The following ITSN1 variants were observed in gnomAD, a reference collection of about 807,000 sequenced individuals.
The protein encoded by ITSN1 is intersectin-1.
ITSN1 carries 58 observed loss-of-function variants against 239.8 expected under a neutral mutation model. The observed-to-expected ratio is 0.24, with a 90% CI of 0.20 to 0.30. ITSN1 has a LOEUF of 0.30. ITSN1 is among the 10% of genes least tolerant of loss of function. The pLI is 1.00. For missense variants in ITSN1, 1,558 were observed against 2,103.3 expected (o/e 0.74, Z 5.07); for synonymous variants, 780 against 770.8 (o/e 1.01, Z -0.20).
At chr21:33,648,298 T>C (rs894796267) in intron 1 of ITSN1, among the ~76,000 whole-genome samples, 2 of 152,182 alleles carry the variant, frequency 1.3e-5, no homozygotes, top group Admixed American at 1.3e-4. Flanking sequence ...AAAACTCTCA[T>C]CTTACAGATG....
intron 3 of ITSN1, among the ~76,000 whole-genome samples, chr21:33,722,324 T>C (rs2065536497): frequency 6.6e-6 from 1 of 152,260 alleles, no homozygotes; most frequent in South Asian, 2.1e-4. Context: ...CATATCTTAG[T>C]TAATAGCAGA....
intron 4 of ITSN1, among the ~76,000 whole-genome samples, chr21:33,725,566 C>T (rs992858461): frequency 2.0e-5 from 3 of 152,026 alleles, no homozygotes; most frequent in African/African-American, 7.2e-5. Context: ...TGCCTTCTAG[C>T]GTGGGTGACA....
intron 34 of ITSN1, among the ~76,000 whole-genome samples, chr21:33,876,858 C>G (rs1984003636): frequency 6.6e-6 from 1 of 151,972 alleles, no homozygotes; most frequent in East Asian, 1.9e-4. Flanking sequence ...GGCAACAGAG[C>G]AGAATGTGTC....
chr21:33,758,579 G>A (rs1435152871), intron 8 of ITSN1, among the ~76,000 whole-genome samples: 1 of 152,196 alleles, frequency 6.6e-6, no homozygotes, highest in Non-Finnish European at 1.5e-5. Context: ...TTAAGGTTAT[G>A]TAAGAAGCTC....
At chr21:33,746,199 A>G (rs907180411) in intron 5 of ITSN1, among the ~76,000 whole-genome samples, 2 of 152,246 alleles carry the variant, frequency 1.3e-5, no homozygotes, top group Admixed American at 1.3e-4. Context: ...TATGCCGGTT[A>G]CTAAATAAAG....
At position 33,767,699 on chromosome 21, in the gene ITSN1, C is replaced by T. The variant is rs2068825160; in HGVS notation, c.927-14C>T. Reference sequence around the variant, plus strand: ...TCTGTGTGAATCTATTTTTCTTTTTCCCCGCAATTGCAGAAGAGTTCGATC... The same window carrying T: ...TCTGTGTGAATCTATTTTTCTTTTTTCCCGCAATTGCAGAAGAGTTCGATC... On this transcript the variant is annotated splice_polypyrimidine_tract_variant and intron_variant, in intron 10 of 39. Coordinates refer to ENST00000381318, the MANE Select transcript of ITSN1 (RefSeq NM_003024.3). 6.7e-7 allele frequency: 1 copy of T among 1,487,666 alleles called. No homozygotes were observed. Among genetic ancestry groups the T allele is most frequent in the Non-Finnish European group, 9.3e-7 (1 of 1,076,106 alleles). The allele number at this position is 1,487,666 out of a possible 1,614,324, so 92.2% of individuals were successfully genotyped here. A position where few individuals can be genotyped will look rare whatever the true frequency, so the allele number is the denominator to read the frequency against.
chr21:33,868,088 T>G (rs1035140878), intron 33 of ITSN1, among the ~76,000 whole-genome samples: 3 of 152,206 alleles, frequency 2.0e-5, no homozygotes, highest in African/African-American at 4.8e-5. Context: ...CACTGCTGGC[T>G]CGGGCAGCCT....
intron 20 of ITSN1, among the ~76,000 whole-genome samples, chr21:33,809,313 T>C (rs2072717881): frequency 6.6e-6 from 1 of 152,176 alleles, no homozygotes; most frequent in Non-Finnish European, 1.5e-5. Context: ...CTTTAAAAAT[T>C]GCTTTTATCT....
At chr21:33,845,396 C>T (rs2074960215) in intron 29 of ITSN1, among the ~76,000 whole-genome samples, 1 of 152,148 alleles carries the variant, frequency 6.6e-6, no homozygotes, top group South Asian at 2.1e-4. Flanking sequence ...GGTCTCTCTG[C>T]ACCCACTCTC....
intron 25 of ITSN1, among the ~76,000 whole-genome samples, chr21:33,823,929 C>G (rs730312): frequency 6.6e-6 from 1 of 152,206 alleles, no homozygotes; most frequent in East Asian, 1.9e-4. Flanking sequence ...ATTAAGCTCT[C>G]TTCCTGCCTG....
At chr21:33,838,485 T>G in intron 29 of ITSN1, 1 of 980,210 alleles carries the variant, frequency 1.0e-6, no homozygotes, top group Non-Finnish European at 1.2e-6. Context: ...ATTAAATTCT[T>G]CATACAAAAG....
chr21:33,872,184 T>C (rs1982864825), intron 33 of ITSN1, among the ~76,000 whole-genome samples: 1 of 152,256 alleles, frequency 6.6e-6, no homozygotes, highest in South Asian at 2.1e-4. Flanking sequence ...GGAAGTTAAA[T>C]TGATACAGCC....
At position 33,781,522 on chromosome 21, in the gene ITSN1, A is replaced by G; in HGVS notation, c.1658A>G (p.Lys553Arg). ...PEKQILNDQLKQVQQNSLHRD... is the reference protein window; with the variant it reads ...PEKQILNDQLRQVQQNSLHRD... The stretch of plus-strand genomic sequence containing the variant: ...AAACAGATACTCAATGACCAATTAA[A>G]ACAAGTTCAGCAGAACAGTTTGCAC... The change falls in exon 15 of 40, where the codon AAA becomes AGA. Residue 553 changes from lysine to arginine, a missense_variant. By Grantham distance (26) the Lys-to-Arg change is conservative. Transcript: ENST00000381318. The G allele has an allele frequency of 6.3e-7, 1 of 1,586,594 alleles. No homozygotes were observed. The highest frequency in any genetic ancestry group is 8.6e-7 in the Non-Finnish European group (1 of 1,165,134).
chr21:33,728,242 G>C (rs1451001931), intron 4 of ITSN1, among the ~76,000 whole-genome samples: 1 of 152,034 alleles, frequency 6.6e-6, no homozygotes, highest in Non-Finnish European at 1.5e-5. Flanking sequence ...TGGGATTATA[G>C]GCATGAGCCA....
chr21:33,665,553 G>T (rs2089875647), intron 1 of ITSN1, among the ~76,000 whole-genome samples: 1 of 152,176 alleles, frequency 6.6e-6, no homozygotes, highest in African/African-American at 2.4e-5. Flanking sequence ...GTAGCATGGT[G>T]CCACAGCTGT....
chr21:33,851,608 A>G (rs1978319014), intron 29 of ITSN1, among the ~76,000 whole-genome samples: 1 of 151,576 alleles, frequency 6.6e-6, no homozygotes, highest in Non-Finnish European at 1.5e-5. Context: ...CATGTTGGCC[A>G]GGCTGGTCTT....
intron 19 of ITSN1, among the ~76,000 whole-genome samples, chr21:33,801,317 C>T (rs566420366): frequency 6.6e-6 from 1 of 152,316 alleles, no homozygotes; most frequent in Non-Finnish European, 1.5e-5. Flanking sequence ...CACATCATAT[C>T]TGTGGATCTT....
At chr21:33,835,641 TG>T in intron 28 of ITSN1, among the ~76,000 whole-genome samples, 1 of 152,316 alleles carries the variant, frequency 6.6e-6, no homozygotes, top group Non-Finnish European at 1.5e-5. Flanking sequence ...TTTGAAACAC[TG>T]ATTTTAGGCC....
At chr21:33,688,198 T>C (rs2091343164) in intron 1 of ITSN1, among the ~76,000 whole-genome samples, 1 of 152,180 alleles carries the variant, frequency 6.6e-6, no homozygotes. Flanking sequence ...ACATGGCTAA[T>C]ATAATACCAT....
Sources: allele counts gnomAD v4.1 joint callset (sites outside exome capture counted in the v4.1 genomes callset), GRCh38; gene constraint gnomAD v4.1.1; transcripts MANE v1.5; gene names NCBI Gene and HGNC (gene_info 2026-07-23, HGNC 2026-07-21).